Variants in STRN3 observed in about 807,000 individuals in gnomAD.
STRN3 encodes striatin 3.
A neutral mutation model predicts 95.6 loss-of-function variants in STRN3; 29 were observed. The ratio of observed to expected loss-of-function variants is 0.30; its 90% confidence interval spans 0.23 to 0.41. The LOEUF (loss-of-function observed/expected upper bound fraction) is 0.41, where lower values mean the gene tolerates loss of function less well. STRN3 is among the 10% of genes least tolerant of loss of function. The pLI is 1.00. For missense variants in STRN3, 890 were observed against 972.1 expected, an observed-to-expected ratio of 0.92 and a Z score of 1.12; for synonymous variants, 331 against 357.6, an observed-to-expected ratio of 0.93 and a Z score of 0.84.
At chr14:30,991,888 C>G (rs1047299843) in intron 1 of STRN3, among the ~76,000 whole-genome samples, 1 of 149,712 alleles carries the variant, frequency 6.7e-6, no homozygotes, top group Admixed American at 6.7e-5. Flanking sequence ...GAGTCCAAGA[C>G]CAGCCTAGTC....
At chr14:30,952,994 A>G (rs1320512743) in intron 3 of STRN3, among the ~76,000 whole-genome samples, 1 of 152,202 alleles carries the variant, frequency 6.6e-6, no homozygotes, top group Non-Finnish European at 1.5e-5. Flanking sequence ...AAAATGTGCC[A>G]ATGTATATAC....
At chr14:30,987,611 T>G (rs765353124) in intron 1 of STRN3, among the ~76,000 whole-genome samples, 2 of 152,096 alleles carry the variant, frequency 1.3e-5, no homozygotes, top group African/African-American at 4.8e-5. Context: ...TATTAGAAAT[T>G]TGGAGGAGCC....
At chr14:30,937,896 T>A (rs1438372617) in intron 5 of STRN3, among the ~76,000 whole-genome samples, 1 of 152,132 alleles carries the variant, frequency 6.6e-6, no homozygotes, top group Non-Finnish European at 1.5e-5. Context: ...ACAATTCAGA[T>A]TATAGTCGTC....
intron 4 of STRN3, 24 bp downstream of exon 4, chr14:30,950,839 G>C: frequency 6.2e-7 from 1 of 1,604,936 alleles, no homozygotes; most frequent in East Asian, 2.2e-5. Flanking sequence ...CCTTAAAGAA[G>C]GTTGAAAATA....
intron 5 of STRN3, among the ~76,000 whole-genome samples, chr14:30,942,482 T>C (rs1566448236): frequency 2.0e-5 from 3 of 152,214 alleles, no homozygotes; most frequent in African/African-American, 7.2e-5. Flanking sequence ...AGTAAAAGAC[T>C]AAATGTGTCA....
At chr14:31,018,349 A>T (rs1269390792) in intron 1 of STRN3, 1 of 303,282 alleles carries the variant, frequency 3.3e-6, no homozygotes, top group East Asian at 1.0e-4. Flanking sequence ...AGCATCTAGC[A>T]GTGTTGGCAT....
At chr14:30,904,684 C>T (rs534544780) in intron 15 of STRN3, among the ~76,000 whole-genome samples, 1 of 151,940 alleles carries the variant, frequency 6.6e-6, no homozygotes, top group African/African-American at 2.4e-5. Context: ...GGAAATAATC[C>T]AGACTGAAAA....
chr14:30,935,575 CAGTT>C (rs935482838), intron 6 of STRN3, among the ~76,000 whole-genome samples: 5 of 152,276 alleles, frequency 3.3e-5, no homozygotes, highest in African/African-American at 1.2e-4. Context: ...AGTACATTCA[CAGTT>C]AGTCCTCCAT....
chr14:30,972,813 T>C (rs1381562331), intron 1 of STRN3, among the ~76,000 whole-genome samples: 1 of 151,856 alleles, frequency 6.6e-6, no homozygotes, highest in Non-Finnish European at 1.5e-5. Context: ...TCTATTTAAC[T>C]TGTAATGGAG....
At chr14:30,997,567 C>G (rs1882261485) in intron 1 of STRN3, among the ~76,000 whole-genome samples, 1 of 152,234 alleles carries the variant, frequency 6.6e-6, no homozygotes, top group African/African-American at 2.4e-5. Context: ...TCCCCTCCTT[C>G]CTGTCTTCAG....
chr14:31,016,870 A>G (rs544368590), intron 1 of STRN3, among the ~76,000 whole-genome samples: 8 of 152,188 alleles, frequency 5.3e-5, no homozygotes, highest in Non-Finnish European at 1.0e-4. Context: ...AATTATAGCA[A>G]CTAGCCAGGT....
chr14:30,895,747 A>G lies in STRN3; in HGVS notation c.2139T>C (p.Gly713=). The G allele has an allele frequency of 6.2e-7, 1 of 1,611,086 alleles. No homozygotes were observed. The part of the protein sequence containing the change: ...RHIKFFDNKT[G]KMIHSMVAHL... Reference sequence around the variant, plus strand: ...GAGCTACCATAGAATGGATCATTTTACCTAAACAAAACATAACAGAGAACT... The same window carrying G: ...GAGCTACCATAGAATGGATCATTTTGCCTAAACAAAACATAACAGAGAACT... The change falls in exon 17 of 18, where the codon GGT becomes GGC. Residue 713 remains glycine (G), a splice_region_variant and synonymous_variant. Coordinates refer to ENST00000357479, the MANE Select transcript of STRN3 (RefSeq NM_001083893.2).
intron 6 of STRN3, among the ~76,000 whole-genome samples, chr14:30,935,767 ATC>A (rs1878786165): frequency 6.6e-6 from 1 of 152,236 alleles, no homozygotes; most frequent in South Asian, 2.1e-4. Flanking sequence ...AAGGATCAAA[ATC>A]TCTATTCACC....
intron 16 of STRN3, among the ~76,000 whole-genome samples, chr14:30,898,966 A>G (rs1290796278): frequency 1.3e-5 from 2 of 152,214 alleles, no homozygotes; most frequent in Non-Finnish European, 2.9e-5. Context: ...TAAGCCCTTC[A>G]ACCTCATGTG....
At chr14:31,015,072 G>A (rs933007368) in intron 1 of STRN3, among the ~76,000 whole-genome samples, 15 of 151,682 alleles carry the variant, frequency 9.9e-5, no homozygotes, top group Admixed American at 6.6e-4. Context: ...CAAGTGATCC[G>A]CCCGCCTTGG....
chr14:30,951,040 C>G, intron 3 of STRN3, 96 bp from the exon 4 acceptor site: 1 of 1,025,574 alleles, frequency 9.8e-7, no homozygotes, highest in Non-Finnish European at 1.4e-6. Flanking sequence ...TAAAAACATA[C>G]CTATTTTATA....
rs192798994 is a variant in STRN3, at chr14:30,934,442, T to C, written c.988+721A>G. Among the ~76,000 whole-genome samples, 18 of 152,348 alleles carry C rather than the reference T, an allele frequency of 1.2e-4. No homozygotes were observed. The East Asian group carries it at 3.3e-3, about 28-fold the overall frequency. On this transcript the variant is annotated intron_variant, in intron 7 of 17. Coordinates refer to ENST00000357479, the MANE Select transcript of STRN3 (RefSeq NM_001083893.2). ...TAAATGAGGATTGCATGAATGTATT[T>C]ACTAGGAAAAACATAAATGACGTCA...
At chr14:30,907,555 T>C (rs980233197) in intron 13 of STRN3, among the ~76,000 whole-genome samples, 2 of 152,114 alleles carry the variant, frequency 1.3e-5, no homozygotes, top group Non-Finnish European at 2.9e-5. Flanking sequence ...AATCATACAA[T>C]ATGTGGTCTT....
At chr14:30,938,177 T>C (rs528057730) in intron 5 of STRN3, among the ~76,000 whole-genome samples, 1 of 151,988 alleles carries the variant, frequency 6.6e-6, no homozygotes, top group Admixed American at 6.6e-5. Context: ...ATTTTTTAAA[T>C]AGCATTAACA....
Sources: allele counts gnomAD v4.1 joint callset (sites outside exome capture counted in the v4.1 genomes callset), GRCh38; gene constraint gnomAD v4.1.1; transcripts MANE v1.5; gene names NCBI Gene and HGNC (gene_info 2026-07-23, HGNC 2026-07-21).